DPP10: variants seen among roughly 807,000 people sequenced by gnomAD.
DPP10 encodes inactive dipeptidyl peptidase 10.
DPP10 carries 33 observed loss-of-function variants against 120.9 expected under a neutral mutation model. The observed-to-expected ratio is 0.27, with a 90% confidence interval of 0.21 to 0.37. The LOEUF is 0.37. Among genes scored for constraint, DPP10 ranks in the 10% least tolerant of loss-of-function variants. The probability of loss-of-function intolerance (pLI) is 1.00; values close to 1 mark genes in which losing one functional copy is unlikely to be tolerated. For missense variants in DPP10, 816 were observed against 942.8 expected (o/e 0.87, Z 1.76); for synonymous variants, 337 against 326.1 (o/e 1.03, Z -0.36).
intron 2 of DPP10, among the ~76,000 whole-genome samples, chr2:115,336,579 CTCTG>C (rs200759912): frequency 1.3e-5 from 2 of 149,676 alleles, no homozygotes; most frequent in Admixed American, 6.7e-5. Context: ...CTCTCTCTCT[CTCTG>C]TCTCTCTCTC....
intron 1 of DPP10, among the ~76,000 whole-genome samples, chr2:114,881,565 C>CT (rs368885347): frequency 7.1e-6 from 1 of 141,100 alleles, no homozygotes; most frequent in Non-Finnish European, 1.5e-5. Context: ...ATCTATGTAT[C>CT]ATCTATCTAT....
chr2:115,578,761 A>G lies in DPP10; in HGVS notation c.441+52789A>G, dbSNP rs77934605. ...TTTGGGGATTTTGCAGACCTAAGGCACTGACATACAGAGTAAAGTTGGATT... is the reference window on the plus strand; with the variant it reads ...TTTGGGGATTTTGCAGACCTAAGGCGCTGACATACAGAGTAAAGTTGGATT... On this transcript the variant is annotated intron_variant, in intron 5 of 25. Coordinates refer to ENST00000410059, the MANE Select transcript of DPP10 (RefSeq NM_020868.6). 1.6e-4 allele frequency among the ~76,000 whole-genome samples: 24 copies of G among 152,330 alleles called. No individual in the cohort carries two copies. In the East Asian group the frequency reaches 4.6e-3, roughly 29 times the overall value.
rs978098110 is a variant in DPP10 at position 114,742,364 on chromosome 2, G to T, written c.60+299526G>T. Reference sequence around the variant, plus strand: ...AGAAGAAAAAACTAAAAAATATTTGGCATATGAAAAGTATAATGCAGGAAT... The same window carrying T: ...AGAAGAAAAAACTAAAAAATATTTGTCATATGAAAAGTATAATGCAGGAAT... On this transcript the variant is annotated intron_variant, in intron 1 of 25. Transcript: ENST00000410059. Among the ~76,000 whole-genome samples, 14 of 152,274 alleles carry T rather than the reference G, an allele frequency of 9.2e-5. No individual in the cohort carries two copies. In the East Asian group the frequency reaches 2.3e-3, roughly 25 times the overall value.
intron 5 of DPP10, among the ~76,000 whole-genome samples, chr2:115,654,649 T>A (rs189667654): frequency 1.1e-4 from 16 of 152,002 alleles, no homozygotes; most frequent in Non-Finnish European, 1.8e-4. Context: ...AATCTTGTCA[T>A]AAGAGAACAC....
chr2:115,350,046 G>A (rs1391128322), intron 3 of DPP10, among the ~76,000 whole-genome samples: 8 of 151,996 alleles, frequency 5.3e-5, no homozygotes, highest in Non-Finnish European at 8.8e-5. Context: ...AAGATAACAC[G>A]TATTTTTCTT....
chr2:115,842,310 T>A lies in DPP10; in HGVS notation c.2356T>A (p.Ser786Thr), dbSNP rs1237796927. Reference sequence around the variant, plus strand: ...CAGTGATTGTTTGAAGGAAGAAATATCTGTGCTACCACAGGAACCAGAAGA... The same window carrying A: ...CAGTGATTGTTTGAAGGAAGAAATAACTGTGCTACCACAGGAACCAGAAGA... Reference protein sequence around the residue: ...FFSDCLKEEISVLPQEPEEDE With the variant: ...FFSDCLKEEITVLPQEPEEDE Residue 786 changes from serine to threonine, a missense_variant, in exon 26 of 26, where the codon TCT becomes ACT. This residue lies in a region of DPP10 where 592 missense variants were observed against 649.0 expected (regional missense o/e 0.91). Transcript: ENST00000410059. The A allele has an allele frequency of 6.2e-7, 1 of 1,613,866 alleles. No individual in the cohort carries two copies. The highest frequency in any genetic ancestry group is 1.3e-5 in the African/African-American group (1 of 74,924).
intron 1 of DPP10, among the ~76,000 whole-genome samples, chr2:114,659,654 T>C (rs544980653): frequency 1.3e-5 from 2 of 152,324 alleles, no homozygotes; most frequent in Admixed American, 6.5e-5. Context: ...GTGTGTTGAA[T>C]TGTGTCCTCT....
rs117989966 is a variant in DPP10, at chr2:115,142,872, G to T, written c.61-166367G>T. ...TCTGAGTAGTTTTTTCTCCCTCTAA[G>T]AGAGGCCTATTACCCTTGCTGCTGC... On this transcript the variant is annotated intron_variant, in intron 1 of 25. Coordinates refer to ENST00000410059, the MANE Select transcript of DPP10 (RefSeq NM_020868.6). 7.4e-3 allele frequency among the ~76,000 whole-genome samples: 1,128 copies of T among 152,206 alleles called. 28 individuals are homozygous for T. Among genetic ancestry groups the T allele is most frequent in the East Asian group, 0.027 (137 of 5,160 alleles).
At chr2:115,802,735 G>A (rs1685416092) in intron 19 of DPP10, among the ~76,000 whole-genome samples, 1 of 152,086 alleles carries the variant, frequency 6.6e-6, no homozygotes, top group African/African-American at 2.4e-5. Flanking sequence ...ATGTAGTTGA[G>A]CGGTTTTGAG....
At chr2:114,774,227 A>G (rs1418853235) in intron 1 of DPP10, among the ~76,000 whole-genome samples, 1 of 152,086 alleles carries the variant, frequency 6.6e-6, no homozygotes, top group Non-Finnish European at 1.5e-5. Context: ...ATTTAGAGAC[A>G]TGTATGATGA....
intron 1 of DPP10, among the ~76,000 whole-genome samples, chr2:114,682,652 C>A (rs1371358540): frequency 6.6e-6 from 1 of 151,430 alleles, no homozygotes; most frequent in East Asian, 1.9e-4. Flanking sequence ...TCCCCACTTT[C>A]AAAGTGAAAG....
chr2:114,547,333 G>A (rs1028207861), intron 1 of DPP10, among the ~76,000 whole-genome samples: 1 of 152,198 alleles, frequency 6.6e-6, no homozygotes, highest in Non-Finnish European at 1.5e-5. Flanking sequence ...CCCCTGCAGG[G>A]TCTGGATGCA....
chr2:115,302,608 AG>A (rs1481810681), intron 1 of DPP10, among the ~76,000 whole-genome samples: 1 of 151,952 alleles, frequency 6.6e-6, no homozygotes, highest in Non-Finnish European at 1.5e-5. Context: ...AACAAAAACA[AG>A]AAAAACAATC....
At chr2:115,381,482 T>A (rs1163905952) in intron 3 of DPP10, among the ~76,000 whole-genome samples, 2 of 152,220 alleles carry the variant, frequency 1.3e-5, no homozygotes, top group African/African-American at 4.8e-5. Context: ...TTTCAACTTC[T>A]TTGCCTCTGC....
Position 114,989,702 on chromosome 2 carries a change from G to A in DPP10, c.61-319537G>A, listed in dbSNP as rs189611906. Among the ~76,000 whole-genome samples, 4 of 152,242 alleles carry A rather than the reference G, an allele frequency of 2.6e-5. No homozygotes were observed. The East Asian group carries it at 5.8e-4, about 22-fold the overall frequency. On this transcript the variant is annotated intron_variant, in intron 1 of 25. Coordinates refer to ENST00000410059, the MANE Select transcript of DPP10 (RefSeq NM_020868.6). Reference sequence around the variant, plus strand: ...GGACTGGGGAGATTACTTTGAAGGTGGTTCGTTATCTAAATCATAATCACA... The same window carrying A: ...GGACTGGGGAGATTACTTTGAAGGTAGTTCGTTATCTAAATCATAATCACA...
intron 5 of DPP10, among the ~76,000 whole-genome samples, chr2:115,612,168 A>T (rs2084153213): frequency 6.6e-6 from 1 of 152,190 alleles, no homozygotes; most frequent in South Asian, 2.1e-4. Flanking sequence ...TATGCTCATC[A>T]GCTTCTAACT....
intron 1 of DPP10, among the ~76,000 whole-genome samples, chr2:115,196,042 G>T (rs1224391032): frequency 2.0e-5 from 3 of 152,188 alleles, no homozygotes; most frequent in Non-Finnish European, 2.9e-5. Context: ...AGTGTTTTCA[G>T]TGTTGTTGAG....
intron 1 of DPP10, among the ~76,000 whole-genome samples, chr2:114,722,145 A>G (rs960766497): frequency 5.3e-5 from 8 of 152,210 alleles, no homozygotes; most frequent in African/African-American, 1.9e-4. Flanking sequence ...TTATAGGAGT[A>G]AAGCTATCAT....
At chr2:115,254,857 C>T (rs191303595) in intron 1 of DPP10, among the ~76,000 whole-genome samples, 11 of 152,290 alleles carry the variant, frequency 7.2e-5, no homozygotes, top group South Asian at 2.1e-4. Context: ...AGCATTTGGC[C>T]GCTCCATCCC....
Sources: allele counts gnomAD v4.1 joint callset (sites outside exome capture counted in the v4.1 genomes callset), GRCh38; gene constraint gnomAD v4.1.1; regional missense constraint gnomAD v4.1.1; transcripts MANE v1.5; gene names NCBI Gene and HGNC (gene_info 2026-07-23, HGNC 2026-07-21).